Variants in ANO9 observed in about 807,000 individuals in gnomAD.
ANO9 encodes the protein anoctamin 9, also known as anoctamin-9.
ANO9 carries 80 observed loss-of-function variants against 100.5 expected under a neutral mutation model. The ratio of observed to expected loss-of-function variants is 0.80; its 90% CI spans 0.66 to 0.96. The LOEUF is 0.96. Among genes scored for constraint, ANO9 ranks in the 40% least tolerant of loss-of-function variants. The pLI, the probability that ANO9 is intolerant of heterozygous loss-of-function variation, is 0.00. For synonymous variants in ANO9, 473 were observed against 435.6 expected (o/e 1.09, Z -1.07); for missense variants, 1,064 against 1,072.7 (o/e 0.99, Z 0.11).
intron 20 of ANO9, 116 bp downstream of exon 20, chr11:419,466 C>T (rs770777349): frequency 1.3e-5 from 19 of 1,475,682 alleles, no homozygotes; most frequent in Non-Finnish European, 1.7e-5. Flanking sequence ...CTCACTAAAG[C>T]CCCAGGGGTA....
intron 11 of ANO9, 41 bp from the exon 12 acceptor site, chr11:428,867 AC>A: frequency 6.3e-7 from 1 of 1,577,162 alleles, no homozygotes; most frequent in Non-Finnish European, 8.7e-7. Context: ...AGGGACACTC[AC>A]CCCACATGTG....
Position 432,540 on chromosome 11 carries a change from G to T in ANO9, c.351-486C>A. 1 of 159,368 alleles carries T rather than the reference G, an allele frequency of 6.3e-6. No individual in the cohort carries two copies. The highest frequency in any genetic ancestry group is 1.4e-5 in the Non-Finnish European group (1 of 72,644). The allele number at this position is 159,368 out of a possible 1,614,324, so 9.9% of individuals were successfully genotyped here. On this transcript the variant is annotated intron_variant, in intron 4 of 22. Coordinates refer to ENST00000332826, the MANE Select transcript of ANO9 (RefSeq NM_001012302.3). This position sits in a 1 kb window ranked among gnomAD's most constrained non-coding sequence, Gnocchi z 4.8. ...AGCCAAGCGTCCGACGGCAGAGCCG[G>T]GCTCCCAGCCTCCCCCTGTGCCTAC...
intron 4 of ANO9, 115 bp downstream of exon 4, chr11:433,199 C>A: frequency 7.1e-7 from 1 of 1,417,770 alleles, no homozygotes; most frequent in South Asian, 1.5e-5. Context: ...TGAGACCACA[C>A]GGCTGTCCTG....
rs759316902 is a variant in ANO9, at chr11:431,774, C to G, written c.466-7G>C. The G allele has an allele frequency of 2.5e-6, 4 of 1,612,408 alleles. No homozygotes were observed. Among genetic ancestry groups the G allele is most frequent in the South Asian group, 2.2e-5 (2 of 91,090 alleles). ...TCTTCAGGCGTCCCTCCCCCTGGCT[C>G]GGGTGACAGAGAGTGAGAGCCCCCA... is the stretch of plus-strand genomic sequence containing the variant. On this transcript the variant is annotated splice_region_variant and splice_polypyrimidine_tract_variant and intron_variant, in intron 6 of 22. Coordinates refer to ENST00000332826, the MANE Select transcript of ANO9 (RefSeq NM_001012302.3).
intron 1 of ANO9, among the ~76,000 whole-genome samples, chr11:438,596 G>C (rs1368752506): frequency 6.6e-6 from 1 of 150,836 alleles, no homozygotes; most frequent in Admixed American, 6.6e-5. Context: ...CGTCTCCAGG[G>C]CCAGTGTTTA....
At chr11:440,060 A>G (rs1468252349) in intron 1 of ANO9, among the ~76,000 whole-genome samples, 3 of 152,058 alleles carry the variant, frequency 2.0e-5, no homozygotes, top group African/African-American at 7.2e-5. Context: ...TCCCGGGAGA[A>G]AGAACATGTG....
intron 1 of ANO9, among the ~76,000 whole-genome samples, chr11:436,193 G>A (rs942719750): frequency 4.0e-4 from 61 of 150,900 alleles, no homozygotes; most frequent in Non-Finnish European, 6.2e-4. Flanking sequence ...TCAGCCTCCC[G>A]CGTAGCTGGG....
At position 431,993 on chromosome 11, in the gene ANO9, C is replaced by T. The variant is rs1468571413; in HGVS notation, c.406+6G>A. On this transcript the variant is annotated splice_donor_region_variant and intron_variant, in intron 5 of 22. Transcript: ENST00000332826. The stretch of plus-strand genomic sequence containing the variant: ...GCCCCTGTCAGTGCCCCACCCCTGC[C>T]CTTACCACCAGCCGAGGTCTTGTTG... The T allele has an allele frequency of 6.2e-7, 1 of 1,612,968 alleles. No homozygotes were observed. The highest frequency in any genetic ancestry group is 1.3e-5 in the African/African-American group (1 of 74,862).
rs570757800 is a variant in ANO9, at chr11:418,434, C to T, written c.2286G>A (p.Arg762=). The T allele has an allele frequency of 4.3e-6, 7 of 1,612,498 alleles. No homozygotes were observed. Among genetic ancestry groups the T allele is most frequent in the East Asian group, 2.2e-5 (1 of 44,874 alleles). The change falls in exon 23 of 23, where the codon CGG becomes CGA. Residue 762 remains arginine (R), a synonymous_variant. Coordinates refer to ENST00000332826, the MANE Select transcript of ANO9 (RefSeq NM_001012302.3). Reference sequence around the variant, plus strand: ...GGGTGGGATGGGCAGGCATTGGGGGCCGAGAGCCTGCCCCCACCCCACCCA... The same window carrying T: ...GGGTGGGATGGGCAGGCATTGGGGGTCGAGAGCCTGCCCCCACCCCACCCA... ...QRLGGVGAGS[R]PPMPAHPTPA...
At chr11:419,227 G>A in intron 20 of ANO9, 1 of 1,426,462 alleles carries the variant, frequency 7.0e-7, no homozygotes, top group Non-Finnish European at 9.1e-7. Flanking sequence ...CTGGCCCTGG[G>A]GACCCAGTCT....
chr11:427,799 G>A (rs906178357), intron 15 of ANO9, among the ~76,000 whole-genome samples: 1 of 151,438 alleles, frequency 6.6e-6, no homozygotes, highest in African/African-American at 2.4e-5. Flanking sequence ...TCAGCATAAA[G>A]AGCAGGTGCA....
intron 11 of ANO9, 112 bp downstream of exon 11, chr11:429,458 G>C: frequency 6.6e-7 from 1 of 1,515,552 alleles, no homozygotes; most frequent in South Asian, 1.3e-5. Context: ...TGGGGAGACA[G>C]ACTCGGGACA....
intron 11 of ANO9, among the ~76,000 whole-genome samples, chr11:429,266 ACAC>A: frequency 1.4e-5 from 2 of 137,958 alleles, no homozygotes; most frequent in African/African-American, 2.8e-5. Context: ...GGGTGGACAG[ACAC>A]GGGACACTCA....
rs1848164911 is a variant in ANO9 at position 421,258 on chromosome 11, G to T, written c.1335-60C>A. ...CAGCGCCCTGCCTCTGACAGGGTGG[G>T]TGCAGCAGGACAGAAGCGGGTAGGA... On this transcript the variant is annotated intron_variant, in intron 15 of 22. Transcript: ENST00000332826. The surrounding 1 kb of genome is among the most constrained non-coding windows in gnomAD (Gnocchi z 6.8). 9 of 1,448,518 alleles carry T rather than the reference G, an allele frequency of 6.2e-6. No individual in the cohort carries two copies. Among genetic ancestry groups the T allele is most frequent in the Non-Finnish European group, 3.7e-6 (4 of 1,093,766 alleles). The allele number at this position is 1,448,518 out of a possible 1,614,324, so 89.7% of individuals were successfully genotyped here.
rs762205356 is a variant in ANO9, at chr11:433,321, T to C, written c.343A>G (p.Thr115Ala). The change falls in exon 4 of 23, where the codon ACC becomes GCC. Residue 115 changes from threonine (T) to alanine (A), a missense_variant. By Grantham distance (58) the Thr-to-Ala change is moderately conservative. Transcript: ENST00000332826. ...ELAAPTTIPVTTSLRIRIVNF... is the reference protein window; with the variant it reads ...ELAAPTTIPVATSLRIRIVNF... The stretch of plus-strand genomic sequence containing the variant: ...CTGGGTGCAGCCTCTCACCTCGTGG[T>C]GACCGGGATGGTGGTCGGCGCGGCC... 1 of 1,612,094 alleles carries C rather than the reference T, an allele frequency of 6.2e-7. No homozygotes were observed. The highest frequency in any genetic ancestry group is 8.5e-7 in the Non-Finnish European group (1 of 1,179,494).
In ANO9 at chr11:431,775, G is replaced by A. The variant is rs373528588; in HGVS notation, c.466-8C>T. 639 of 1,612,214 alleles carry A rather than the reference G, an allele frequency of 4.0e-4. 1 individual carries two copies. The highest frequency in any genetic ancestry group is 5.1e-4 in the Non-Finnish European group (602 of 1,179,516). On this transcript the variant is annotated splice_region_variant and splice_polypyrimidine_tract_variant and intron_variant, in intron 6 of 22. Transcript: ENST00000332826. Reference sequence around the variant, plus strand: ...CTTCAGGCGTCCCTCCCCCTGGCTCGGGTGACAGAGAGTGAGAGCCCCCAT... The same window carrying A: ...CTTCAGGCGTCCCTCCCCCTGGCTCAGGTGACAGAGAGTGAGAGCCCCCAT...
rs1005579874 is a variant in ANO9 at position 432,266 on chromosome 11, C to T, written c.351-212G>A. 20 of 572,738 alleles carry T rather than the reference C, an allele frequency of 3.5e-5. No individual in the cohort carries two copies. Among genetic ancestry groups the T allele is most frequent in the South Asian group, 1.3e-4 (6 of 47,000 alleles). The allele number at this position is 572,738 out of a possible 1,614,324, so 35.5% of individuals were successfully genotyped here. ...TGCTCCCAGGGCCTGGCCTGCCCCA[C>T]GGCGTCCAGGATGAGGCTGGGCTGG... is the stretch of plus-strand genomic sequence containing the variant. On this transcript the variant is annotated intron_variant, in intron 4 of 22. Coordinates refer to ENST00000332826, the MANE Select transcript of ANO9 (RefSeq NM_001012302.3). This position sits in a 1 kb window ranked among gnomAD's most constrained non-coding sequence, Gnocchi z 4.8.
chr11:427,866 GA>G (rs1167684847), intron 15 of ANO9, among the ~76,000 whole-genome samples: 1 of 150,606 alleles, frequency 6.6e-6, no homozygotes, highest in Non-Finnish European at 1.5e-5. Flanking sequence ...GCAAATGCAT[GA>G]AAAAGCCTGG....
In ANO9 at chr11:431,729, T is replaced by C. The variant is rs760512710; in HGVS notation, c.504A>G (p.Arg168=). Residue 168 remains arginine, a synonymous_variant, in exon 7 of 23, where the codon AGA becomes AGG. Transcript: ENST00000332826. ...GRLKKTWARW[R]HMFREQPVDE... is the part of the protein sequence containing the mutation. Reference sequence around the variant, plus strand: ...CAACTGGCTGCTCCCGGAACATGTGTCTCCACCGCGCCCACGTCTTCTTCA... The same window carrying C: ...CAACTGGCTGCTCCCGGAACATGTGCCTCCACCGCGCCCACGTCTTCTTCA... 3.1e-6 allele frequency: 5 copies of C among 1,612,560 alleles called. No individual in the cohort carries two copies. The South Asian group carries it at 5.5e-5, about 18-fold the overall frequency.
Sources: gnomAD v4.1 joint callset for allele counts (sites outside exome capture counted in the v4.1 genomes callset) on GRCh38, gnomAD v4.1.1 for gene constraint, Gnocchi (gnomAD v3.1) non-coding constraint, MANE v1.5 for transcripts, NCBI Gene and HGNC (gene_info 2026-07-23, HGNC 2026-07-21) for gene names.